Variants in DCK observed in about 807,000 individuals in gnomAD.
DCK encodes deoxycytidine kinase, also known as deoxyadenosine kinase.
In DCK, 23 loss-of-function variants were observed where a neutral mutation model predicts 38.3. The ratio of observed to expected loss-of-function variants is 0.60; its 90% confidence interval spans 0.43 to 0.85. The LOEUF is 0.85. Among genes scored for constraint, DCK ranks in the 40% least tolerant of loss-of-function variants. The probability of loss-of-function intolerance (pLI) is 0.00; values close to 1 mark genes in which losing one functional copy is unlikely to be tolerated. For missense variants in DCK, 259 were observed against 304.4 expected (o/e 0.85, Z 1.11); for synonymous variants, 108 against 100.6 (o/e 1.07, Z -0.44).
intron 2 of DCK, among the ~76,000 whole-genome samples, chr4:71,017,686 A>T (rs536367700): frequency 6.6e-6 from 1 of 150,662 alleles, no homozygotes; most frequent in Admixed American, 6.6e-5. Flanking sequence ...GGGAAAAAAA[A>T]CAAAACACTG....
intron 2 of DCK, among the ~76,000 whole-genome samples, chr4:70,999,777 G>A (rs562410064): frequency 6.6e-6 from 1 of 152,188 alleles, no homozygotes; most frequent in African/African-American, 2.4e-5. Context: ...GACTGGTGAT[G>A]ATGAGCTTTT....
At chr4:71,013,535 A>G (rs1313038814) in intron 2 of DCK, among the ~76,000 whole-genome samples, 1 of 152,234 alleles carries the variant, frequency 6.6e-6, no homozygotes, top group Admixed American at 6.5e-5. Context: ...CACAAAGGGA[A>G]GCCCATCAGA....
chr4:71,023,551 T>C lies in DCK; in HGVS notation c.402-8T>C. The C allele has an allele frequency of 1.3e-6, 2 of 1,539,292 alleles. No individual in the cohort carries two copies. Among genetic ancestry groups the C allele is most frequent in the Non-Finnish European group, 1.8e-6 (2 of 1,131,876 alleles). On this transcript the variant is annotated splice_region_variant and splice_polypyrimidine_tract_variant and intron_variant, in intron 3 of 6. Transcript: ENST00000286648. Reference sequence around the variant, plus strand: ...ATGATACATGTGTTGATGAAGACTCTCTTTTAGGTATATTTTTGCATCTAA... The same window carrying C: ...ATGATACATGTGTTGATGAAGACTCCCTTTTAGGTATATTTTTGCATCTAA...
At chr4:71,025,381 A>G (rs1333999713) in intron 4 of DCK, among the ~76,000 whole-genome samples, 1 of 152,112 alleles carries the variant, frequency 6.6e-6, no homozygotes, top group African/African-American at 2.4e-5. Context: ...GTGCTGATAT[A>G]GAGTTTTCAT....
intron 2 of DCK, among the ~76,000 whole-genome samples, chr4:71,008,395 T>G (rs1026196788): frequency 2.6e-5 from 4 of 152,196 alleles, no homozygotes; most frequent in African/African-American, 9.7e-5. Context: ...CCTTTTCATA[T>G]GTTTATTAGT....
intron 2 of DCK, among the ~76,000 whole-genome samples, chr4:71,018,754 C>T (rs1331476477): frequency 6.7e-6 from 1 of 149,204 alleles, no homozygotes. Flanking sequence ...TCACTGCAGC[C>T]TCCACCTCCC....
chr4:71,009,622 C>T (rs150706830), intron 2 of DCK, among the ~76,000 whole-genome samples: 5 of 152,102 alleles, frequency 3.3e-5, no homozygotes, highest in Admixed American at 1.3e-4. Flanking sequence ...TTTATCAGGC[C>T]GTTTATTGTA....
At chr4:71,004,574 C>G (rs1306769414) in intron 2 of DCK, among the ~76,000 whole-genome samples, 7 of 152,354 alleles carry the variant, frequency 4.6e-5, no homozygotes, top group African/African-American at 1.2e-4. Context: ...CGCCTTCCCC[C>G]AGATGCTCTG....
intron 6 of DCK, 139 bp from the exon 7 acceptor site, chr4:71,029,213 A>G: frequency 1.9e-6 from 1 of 520,248 alleles, no homozygotes; most frequent in Non-Finnish European, 3.4e-6. Flanking sequence ...TTTCTTTGGA[A>G]AGTAAATGCA....
At chr4:71,027,373 C>T (rs1483962692) in intron 6 of DCK, among the ~76,000 whole-genome samples, 2 of 151,930 alleles carry the variant, frequency 1.3e-5, no homozygotes, top group Non-Finnish European at 2.9e-5. Context: ...CATTTATTGC[C>T]CAAATCACTG....
intron 2 of DCK, among the ~76,000 whole-genome samples, chr4:71,004,394 G>C (rs982733343): frequency 3.3e-5 from 5 of 152,176 alleles, no homozygotes; most frequent in Non-Finnish European, 7.4e-5. Context: ...GGTGTCTGCC[G>C]ACCCCTGCTG....
chr4:71,024,158 T>C (rs566497839), intron 4 of DCK, among the ~76,000 whole-genome samples: 2 of 152,280 alleles, frequency 1.3e-5, no homozygotes, highest in African/African-American at 2.4e-5. Context: ...ACTGAATGAA[T>C]GGCAATGTTG....
At chr4:71,016,692 C>T (rs1740271945) in intron 2 of DCK, among the ~76,000 whole-genome samples, 1 of 152,120 alleles carries the variant, frequency 6.6e-6, no homozygotes, top group African/African-American at 2.4e-5. Flanking sequence ...GAAAGGATTC[C>T]CTATTTAATA....
intron 1 of DCK, among the ~76,000 whole-genome samples, chr4:70,996,798 C>T (rs1345930473): frequency 1.3e-5 from 2 of 151,832 alleles, no homozygotes; most frequent in East Asian, 3.9e-4. Flanking sequence ...GGAGGACTTA[C>T]CTGCTTCTCA....
intron 2 of DCK, among the ~76,000 whole-genome samples, chr4:71,003,413 G>T (rs1356864274): frequency 1.3e-5 from 2 of 152,136 alleles, no homozygotes; most frequent in African/African-American, 4.8e-5. Flanking sequence ...TTTAACCTTG[G>T]TGAATCTGAC....
Position 71,005,600 on chromosome 4 carries a change from G to A in DCK, c.207+7418G>A, listed in dbSNP as rs560321960. ...TGGCTCACCACAACCTCCGCCTCCC[G>A]GGTTCAAGCGATTCTCCTGCCTCAG... On this transcript the variant is annotated intron_variant, in intron 2 of 6. Coordinates refer to ENST00000286648, the MANE Select transcript of DCK (RefSeq NM_000788.3). Among the ~76,000 whole-genome samples the A allele has an allele frequency of 9.4e-5, 14 of 149,388 alleles. No individual in the cohort carries two copies. In the South Asian group the frequency reaches 1.5e-3, roughly 16 times the overall value.
chr4:70,996,514 C>T (rs765524484), intron 1 of DCK, among the ~76,000 whole-genome samples: 1 of 152,184 alleles, frequency 6.6e-6, no homozygotes. Context: ...TTAGATGGAG[C>T]ATGTTCCTTG....
At position 71,029,596 on chromosome 4, in the gene DCK, A is replaced by G. The variant is rs1740638320; in HGVS notation, c.*218A>G. 3 of 494,406 alleles carry G rather than the reference A, an allele frequency of 6.1e-6. No individual in the cohort carries two copies. The highest frequency in any genetic ancestry group is 5.5e-4 in the Middle Eastern group (1 of 1,818). The allele number at this position is 494,406 out of a possible 1,614,324, so 30.6% of individuals were successfully genotyped here. A position where few individuals can be genotyped will look rare whatever the true frequency, so the allele number is the denominator to read the frequency against. Reference sequence around the variant, plus strand: ...AAAAAAGACATTTAAAGACAAAGACATTATTTCTCATAGCAGGAAATGTAG... The same window carrying G: ...AAAAAAGACATTTAAAGACAAAGACGTTATTTCTCATAGCAGGAAATGTAG... On this transcript the variant is annotated 3_prime_UTR_variant, in exon 7 of 7. Coordinates refer to ENST00000286648, the MANE Select transcript of DCK (RefSeq NM_000788.3).
At chr4:71,029,243 T>G in intron 6 of DCK, 109 bp from the exon 7 acceptor site, 1 of 623,418 alleles carries the variant, frequency 1.6e-6, no homozygotes, top group Non-Finnish European at 2.7e-6. Context: ...TGGTAGTTAC[T>G]TATACAGCTG....
Sources: gnomAD v4.1 joint callset for allele counts (sites outside exome capture counted in the v4.1 genomes callset) on GRCh38, gnomAD v4.1.1 for gene constraint, MANE v1.5 for transcripts, NCBI Gene and HGNC (gene_info 2026-07-23, HGNC 2026-07-21) for gene names.